The following AGBL4 variants were observed in gnomAD, a reference collection of about 807,000 sequenced individuals.
AGBL4 encodes the protein AGBL carboxypeptidase 4.
Under a neutral mutation model 66.4 loss-of-function variants are expected in AGBL4, and 58 were observed. That is an observed-to-expected ratio of 0.87 (90% confidence interval 0.71 to 1.09). The LOEUF is 1.09. AGBL4 is among the 50% of genes least tolerant of loss of function. The pLI is 0.00. For missense variants in AGBL4, 579 were observed against 631.0 expected, an observed-to-expected ratio of 0.92 and a Z score of 0.88; for synonymous variants, 234 against 222.9, an observed-to-expected ratio of 1.05 and a Z score of -0.44.
rs752730254 is a variant in AGBL4, at chr1:48,605,571, T to G, written c.952-14586A>C. Among the ~76,000 whole-genome samples the G allele has an allele frequency of 1.4e-4, 21 of 152,240 alleles. 1 individual carries two copies. Among genetic ancestry groups the G allele is most frequent in the Admixed American group, 1.2e-3 (18 of 15,288 alleles). On this transcript the variant is annotated intron_variant, in intron 9 of 13. Transcript: ENST00000371839. ...TTTTTATTGTACCTATTTCACTGTTTCATTATTATTGCTTTGTGTCTCTAT... is the reference window on the plus strand; with the variant it reads ...TTTTTATTGTACCTATTTCACTGTTGCATTATTATTGCTTTGTGTCTCTAT...
chr1:49,280,722 T>C (rs532082545), intron 3 of AGBL4, among the ~76,000 whole-genome samples: 2 of 152,358 alleles, frequency 1.3e-5, no homozygotes, highest in Admixed American at 6.5e-5. Context: ...ACCTGGCTGA[T>C]TAATTTCTTT....
chr1:49,818,370 GTT>G lies in AGBL4; in HGVS notation c.157+33024_157+33025del, dbSNP rs11351923. 5.9e-4 allele frequency among the ~76,000 whole-genome samples: 81 copies of G among 137,190 alleles called. 1 individual carries two copies. In the South Asian group the frequency reaches 0.011, roughly 18 times the overall value. The allele number at this position is 137,190 out of a possible 152,430, so 90.0% of individuals were successfully genotyped here. ...CTTTCTGTTTGTTTTTGTTTTTTTT[GTT>G]TTTTTTTTTTTGAGATGAGGTCTTG... On this transcript the variant is annotated intron_variant, in intron 2 of 13. Transcript: ENST00000371839.
chr1:48,826,404 G>C (rs1485195526), intron 6 of AGBL4, among the ~76,000 whole-genome samples: 1 of 152,206 alleles, frequency 6.6e-6, no homozygotes, highest in Non-Finnish European at 1.5e-5. Context: ...CTGGGCCAGA[G>C]AACTGGCACA....
chr1:48,934,197 G>T (rs1429310665), intron 5 of AGBL4, among the ~76,000 whole-genome samples: 2 of 152,174 alleles, frequency 1.3e-5, no homozygotes, highest in African/African-American at 2.4e-5. Context: ...CTGGCTGAGA[G>T]ACTTAGCTTT....
chr1:49,313,299 G>C (rs1644975534), intron 3 of AGBL4, among the ~76,000 whole-genome samples: 1 of 152,006 alleles, frequency 6.6e-6, no homozygotes, highest in African/African-American at 2.4e-5. Context: ...GTTGATTCCA[G>C]GTCTTTGCTA....
chr1:49,770,498 C>T (rs962717640), intron 2 of AGBL4, among the ~76,000 whole-genome samples: 2 of 151,890 alleles, frequency 1.3e-5, no homozygotes, highest in Non-Finnish European at 2.9e-5. Context: ...TGTTGTTGTG[C>T]CTTTGCCTTT....
chr1:48,747,208 A>G (rs1316551037), intron 6 of AGBL4, among the ~76,000 whole-genome samples: 2 of 152,248 alleles, frequency 1.3e-5, no homozygotes, highest in African/African-American at 4.8e-5. Context: ...TTAGGTAACA[A>G]AAGAACTTTT....
chr1:48,777,543 C>T (rs1164982737), intron 6 of AGBL4, among the ~76,000 whole-genome samples: 1 of 152,040 alleles, frequency 6.6e-6, no homozygotes, highest in Non-Finnish European at 1.5e-5. Flanking sequence ...ACTGCCAGCT[C>T]CCTCTGTGGA....
chr1:49,263,320 AAT>A (rs1653408929), intron 3 of AGBL4, among the ~76,000 whole-genome samples: 1 of 152,152 alleles, frequency 6.6e-6, no homozygotes, highest in South Asian at 2.1e-4. Flanking sequence ...AAATTAAATA[AAT>A]AGACAATTAA....
rs979373500 is a variant in AGBL4, at chr1:48,820,809, G to A, written c.634+46382C>T. 4.6e-5 allele frequency among the ~76,000 whole-genome samples: 7 copies of A among 152,110 alleles called. No homozygotes were observed. The East Asian group carries it at 5.8e-4, about 13-fold the overall frequency. On this transcript the variant is annotated intron_variant, in intron 6 of 13. Coordinates refer to ENST00000371839, the MANE Select transcript of AGBL4 (RefSeq NM_032785.4). ...CAGCTAAAGAAATAACAGGGTAAAC[G>A]GACAAGCTACAGAATGGGAGAAAAT...
chr1:48,566,245 G>A (rs767990524), intron 11 of AGBL4, among the ~76,000 whole-genome samples: 7 of 152,208 alleles, frequency 4.6e-5, no homozygotes, highest in South Asian at 2.1e-4. Flanking sequence ...TTCTGTCACC[G>A]AGCCTTTATT....
intron 4 of AGBL4, among the ~76,000 whole-genome samples, chr1:49,183,611 T>C (rs1646966269): frequency 6.6e-6 from 1 of 152,186 alleles, no homozygotes; most frequent in Non-Finnish European, 1.5e-5. Flanking sequence ...CTTCATACTT[T>C]AAGCTTTCCT....
chr1:49,380,012 A>G (rs1307918124), intron 3 of AGBL4, among the ~76,000 whole-genome samples: 1 of 152,120 alleles, frequency 6.6e-6, no homozygotes, highest in Non-Finnish European at 1.5e-5. Flanking sequence ...GAAATTAGGC[A>G]GGAGAAGGAA....
intron 3 of AGBL4, among the ~76,000 whole-genome samples, chr1:49,399,215 T>C (rs1645033700): frequency 6.6e-6 from 1 of 152,208 alleles, no homozygotes; most frequent in African/African-American, 2.4e-5. Context: ...CCATTGTATA[T>C]GTATCACATT....
intron 2 of AGBL4, among the ~76,000 whole-genome samples, chr1:49,814,372 A>G (rs928082098): frequency 3.3e-5 from 5 of 152,164 alleles, no homozygotes; most frequent in Non-Finnish European, 5.9e-5. Flanking sequence ...CTTGAACGCT[A>G]TCAGCCCCTA....
intron 9 of AGBL4, among the ~76,000 whole-genome samples, chr1:48,593,745 C>T (rs375957480): frequency 5.3e-5 from 8 of 151,902 alleles, no homozygotes; most frequent in South Asian, 2.1e-4. Flanking sequence ...TGCGAGACTC[C>T]GTCTCAAAAA....
intron 5 of AGBL4, among the ~76,000 whole-genome samples, chr1:48,923,200 C>G (rs187914640): frequency 9.2e-5 from 14 of 152,200 alleles, no homozygotes; most frequent in Non-Finnish European, 1.6e-4. Flanking sequence ...ATAAATTGAG[C>G]CTCCAAGAGA....
chr1:49,744,309 T>C, intron 2 of AGBL4, among the ~76,000 whole-genome samples: 1 of 152,068 alleles, frequency 6.6e-6, no homozygotes, highest in East Asian at 1.9e-4. Context: ...TCTCTCTCTC[T>C]TGCTCCTGCT....
chr1:48,788,806 T>A (rs1309494296), intron 6 of AGBL4, among the ~76,000 whole-genome samples: 1 of 152,172 alleles, frequency 6.6e-6, no homozygotes, highest in African/African-American at 2.4e-5. Flanking sequence ...TGAGCGCTTA[T>A]AATGTGCCAG....
Sources: allele counts gnomAD v4.1 joint callset (sites outside exome capture counted in the v4.1 genomes callset), GRCh38; gene constraint gnomAD v4.1.1; transcripts MANE v1.5; gene names NCBI Gene and HGNC (gene_info 2026-07-23, HGNC 2026-07-21).